Variants in BSN observed in about 807,000 individuals in gnomAD.
The protein encoded by BSN is bassoon presynaptic cytomatrix protein, also known as protein bassoon.
BSN carries 57 observed loss-of-function variants against 264.8 expected under a neutral mutation model. The observed-to-expected ratio is 0.22, with a 90% confidence interval of 0.17 to 0.27. The LOEUF is 0.27. BSN is among the 10% of genes least tolerant of loss of function. BSN has a pLI of 1.00. For synonymous variants in BSN, 2,059 were observed against 2,137.3 expected (o/e 0.96, Z 1.01); for missense variants, 4,615 against 5,232.5 (o/e 0.88, Z 3.64).
chr3:49,554,804 G>GGCCCCA lies in BSN; in HGVS notation c.203_204insCCCCAG (p.Pro69_Gly70insSerPro), dbSNP rs2051651958. On this transcript the variant is annotated inframe_insertion, in exon 1 of 12. Transcript: ENST00000296452. The stretch of plus-strand genomic sequence containing the variant: ...GGTCCCTGGCCCCGGCCCCGGCCCC[G>GGCCCCA]GTCCCGGCCCTGGCCCGGGCAGGTA... 7 of 1,063,520 alleles carry GGCCCCA rather than the reference G, an allele frequency of 6.6e-6. No homozygotes were observed. In the South Asian group the frequency reaches 1.8e-4, roughly 27 times the overall value. The allele number at this position is 1,063,520 out of a possible 1,614,324, so 65.9% of individuals were successfully genotyped here. A position where few individuals can be genotyped will look rare whatever the true frequency, so the allele number is the denominator to read the frequency against.
Position 49,652,612 on chromosome 3 carries a change from C to T in BSN, c.3056C>T (p.Ala1019Val). 1.2e-6 allele frequency: 2 copies of T among 1,613,360 alleles called. No homozygotes were observed. The highest frequency in any genetic ancestry group is 1.7e-6 in the Non-Finnish European group (2 of 1,179,834). Reference sequence around the variant, plus strand: ...AGCCGCAGGCAGCGTCTAGAAGAAGCAAAGCAGCAGCGCAAGGCCCGGCAC... The same window carrying T: ...AGCCGCAGGCAGCGTCTAGAAGAAGTAAAGCAGCAGCGCAAGGCCCGGCAC... ...SPSRRQRLEE[A>V]KQQRKARHRS... The change falls in exon 5 of 12, where the codon GCA becomes GTA. Residue 1019 changes from alanine to valine, a missense_variant. Transcript: ENST00000296452.
chr3:49,587,647 G>C (rs1480421898), intron 1 of BSN, among the ~76,000 whole-genome samples: 1 of 152,182 alleles, frequency 6.6e-6, no homozygotes, highest in Admixed American at 6.5e-5. Flanking sequence ...ATAGTCTTTA[G>C]ATGTTTCCTA....
At chr3:49,664,903 A>C in intron 10 of BSN, 50 bp downstream of exon 10, 4 of 578,908 alleles carry the variant, frequency 6.9e-6, no homozygotes, top group East Asian at 4.7e-5. Flanking sequence ...GGCCCGAGGC[A>C]CTGGGGGTGG....
chr3:49,601,004 GC>G (rs1442234718), intron 1 of BSN, among the ~76,000 whole-genome samples: 2 of 152,146 alleles, frequency 1.3e-5, no homozygotes, highest in African/African-American at 4.8e-5. Flanking sequence ...CAGAAGAATG[GC>G]CCCCCAGGAA....
At position 49,650,650 on chromosome 3, in the gene BSN, G is replaced by C; in HGVS notation, c.1557G>C (p.Arg519=). The C allele has an allele frequency of 6.2e-7, 1 of 1,608,346 alleles. No individual in the cohort carries two copies. Among genetic ancestry groups the C allele is most frequent in the Non-Finnish European group, 8.5e-7 (1 of 1,178,464 alleles). Residue 519 remains arginine (R), a synonymous_variant, in exon 4 of 12, where the codon CGG becomes CGC. Coordinates refer to ENST00000296452, the MANE Select transcript of BSN (RefSeq NM_003458.4). ...EWLCLNCQTK[R]LLEGSLGEPT... is the part of the protein sequence containing the mutation. ...TCTGTCTGAACTGCCAAACCAAGCG[G>C]CTACTGGAGGGCAGCCTAGGAGAGC...
At chr3:49,586,326 CTCTA>C (rs59036596) in intron 1 of BSN, among the ~76,000 whole-genome samples, 1,831 of 149,608 alleles carry the variant, frequency 0.012, 28 homozygotes, top group African/African-American at 0.034. Flanking sequence ...GTTTTCCCAG[CTCTA>C]TCTATCTATC....
chr3:49,600,512 T>C (rs2052065828), intron 1 of BSN, among the ~76,000 whole-genome samples: 1 of 152,052 alleles, frequency 6.6e-6, no homozygotes, highest in Non-Finnish European at 1.5e-5. Flanking sequence ...CTTATGCCTG[T>C]AATCCTAACA....
At chr3:49,605,836 A>T (rs2052129266) in intron 1 of BSN, among the ~76,000 whole-genome samples, 1 of 69,356 alleles carries the variant, frequency 1.4e-5, no homozygotes, top group Non-Finnish European at 2.5e-5. Context: ...AATAGATATA[A>T]ATATATATAT....
intron 1 of BSN, among the ~76,000 whole-genome samples, chr3:49,605,132 TG>T: frequency 6.7e-6 from 1 of 148,222 alleles, no homozygotes. Flanking sequence ...TGGTGGTGGG[TG>T]CCTGTAATCA....
Position 49,668,925 on chromosome 3 carries a change from T to C in BSN, c.*1440T>C, listed in dbSNP as rs1164412788. On this transcript the variant is annotated 3_prime_UTR_variant, in exon 12 of 12. Coordinates refer to ENST00000296452, the MANE Select transcript of BSN (RefSeq NM_003458.4). The stretch of plus-strand genomic sequence containing the variant: ...ATGTATAAGGAGTTAATTGCAAACA[T>C]GCAATTGAGAAACTGGATAGATACA... 4 of 152,540 alleles carry C rather than the reference T, an allele frequency of 2.6e-5. No individual in the cohort carries two copies. Among genetic ancestry groups the C allele is most frequent in the African/African-American group, 4.8e-5 (2 of 41,430 alleles). The allele number at this position is 152,540 out of a possible 1,614,324, so 9.4% of individuals were successfully genotyped here. A position where few individuals can be genotyped will look rare whatever the true frequency, so the allele number is the denominator to read the frequency against.
chr3:49,670,107 GC>G lies in BSN; in HGVS notation c.*2624del, dbSNP rs1039214483. 6.5e-6 allele frequency: 1 copy of G among 152,686 alleles called. No individual in the cohort carries two copies. The highest frequency in any genetic ancestry group is 2.4e-5 in the African/African-American group (1 of 41,468). The allele number at this position is 152,686 out of a possible 1,614,324, so 9.5% of individuals were successfully genotyped here. On this transcript the variant is annotated 3_prime_UTR_variant, in exon 12 of 12. Transcript: ENST00000296452. ...CCTTTGTGTTGGACTTAACACCCTT[GC>G]CTTTCTGGGACTTGGCCTCACCCCA...
intron 1 of BSN, among the ~76,000 whole-genome samples, chr3:49,609,035 G>T (rs1325553200): frequency 1.3e-5 from 2 of 151,662 alleles, no homozygotes; most frequent in African/African-American, 2.4e-5. Context: ...GAGGAATCTG[G>T]TGAGGGCCCA....
chr3:49,661,103 C>T lies in BSN; in HGVS notation c.9258C>T (p.Pro3086=), dbSNP rs2052650060. The T allele has an allele frequency of 1.2e-6, 2 of 1,612,996 alleles. No individual in the cohort carries two copies. Among genetic ancestry groups the T allele is most frequent in the Non-Finnish European group, 1.7e-6 (2 of 1,179,956 alleles). Residue 3086 remains proline, a synonymous_variant, in exon 6 of 12, where the codon CCC becomes CCT. Coordinates refer to ENST00000296452, the MANE Select transcript of BSN (RefSeq NM_003458.4). Reference sequence around the variant, plus strand: ...ACCAGGCCCCCACCTACCCTGGCCCCAGCACGTACCCAGCTCCTGCCTTTC... The same window carrying T: ...ACCAGGCCCCCACCTACCCTGGCCCTAGCACGTACCCAGCTCCTGCCTTTC... ...PAHQAPTYPG[P]STYPAPAFPP...
intron 11 of BSN, among the ~76,000 whole-genome samples, chr3:49,667,356 C>T (rs2052720072): frequency 6.6e-6 from 1 of 151,838 alleles, no homozygotes; most frequent in Non-Finnish European, 1.5e-5. Flanking sequence ...AAGAAGTGTC[C>T]CTTCCTGGCT....
At chr3:49,564,354 C>T (rs1191690161) in intron 1 of BSN, among the ~76,000 whole-genome samples, 1 of 152,226 alleles carries the variant, frequency 6.6e-6, no homozygotes, top group African/African-American at 2.4e-5. Flanking sequence ...TGGACTTACA[C>T]AGCCCAAGTG....
At chr3:49,613,958 G>A (rs2108048475) in intron 1 of BSN, among the ~76,000 whole-genome samples, 1 of 151,850 alleles carries the variant, frequency 6.6e-6, no homozygotes, top group South Asian at 2.1e-4. Flanking sequence ...GTGATTAAAG[G>A]AGTAGTAACC....
At chr3:49,579,118 G>C (rs1039167703) in intron 1 of BSN, among the ~76,000 whole-genome samples, 9 of 151,588 alleles carry the variant, frequency 5.9e-5, no homozygotes, top group Non-Finnish European at 1.3e-4. Flanking sequence ...CTCCCAAGCA[G>C]CTAGGACTAC....
intron 2 of BSN, among the ~76,000 whole-genome samples, chr3:49,635,929 T>C (rs2052416879): frequency 6.7e-6 from 1 of 149,674 alleles, no homozygotes; most frequent in Non-Finnish European, 1.5e-5. Context: ...CAGAGAGCCA[T>C]GATCATGGCA....
intron 1 of BSN, among the ~76,000 whole-genome samples, chr3:49,618,660 G>A (rs1299756225): frequency 2.6e-5 from 4 of 152,350 alleles, no homozygotes; most frequent in African/African-American, 4.8e-5. Flanking sequence ...GACTGAGCAT[G>A]CTCTGCTGTG....
Sources: allele counts gnomAD v4.1 joint callset (sites outside exome capture counted in the v4.1 genomes callset), GRCh38; gene constraint gnomAD v4.1.1; transcripts MANE v1.5; gene names NCBI Gene and HGNC (gene_info 2026-07-23, HGNC 2026-07-21).